HTR1D: variants seen among roughly 807,000 people sequenced by gnomAD.
HTR1D encodes the protein 5-HT-1D.
In HTR1D, 18 loss-of-function variants were observed where a neutral mutation model predicts 21.1. The observed-to-expected ratio is 0.85, with a 90% confidence interval of 0.59 to 1.27. The LOEUF is 1.27. HTR1D is among the 50% of genes most tolerant of loss of function. The pLI, the probability that HTR1D is intolerant of heterozygous loss-of-function variation, is 0.00. For missense variants in HTR1D, 456 were observed against 481.4 expected (o/e 0.95, Z 0.49); for synonymous variants, 196 against 204.4 (o/e 0.96, Z 0.35).
Position 23,194,309 on chromosome 1 carries a change from C to G in HTR1D, c.-90G>C. 1 of 1,214,434 alleles carries G rather than the reference C, an allele frequency of 8.2e-7. No individual in the cohort carries two copies. The highest frequency in any genetic ancestry group is 1.2e-6 in the Non-Finnish European group (1 of 852,600). The allele number at this position is 1,214,434 out of a possible 1,614,324, so 75.2% of individuals were successfully genotyped here. On this transcript the variant is annotated 5_prime_UTR_variant, in exon 2 of 2. Coordinates refer to ENST00000374619, the MANE Select transcript of HTR1D (RefSeq NM_000864.5). ...ACAACAGAGCAAAGTCATCCTTCTGCTTCACACTGGTGGGAGCCGTACACC... is the reference window on the plus strand; with the variant it reads ...ACAACAGAGCAAAGTCATCCTTCTGGTTCACACTGGTGGGAGCCGTACACC...
intron 1 of HTR1D, among the ~76,000 whole-genome samples, chr1:23,216,145 A>G (rs576132815): frequency 6.4e-4 from 97 of 152,356 alleles, no homozygotes; most frequent in African/African-American, 2.2e-3. Context: ...AGGAGGGCTG[A>G]GACCCCAGCC....
intron 1 of HTR1D, among the ~76,000 whole-genome samples, chr1:23,215,915 G>C (rs1644771907): frequency 6.6e-6 from 1 of 152,188 alleles, no homozygotes; most frequent in Non-Finnish European, 1.5e-5. Flanking sequence ...AGTGCTTGTA[G>C]AGGTTGTTGT....
intron 1 of HTR1D, among the ~76,000 whole-genome samples, chr1:23,206,210 T>C (rs1283026259): frequency 2.0e-5 from 3 of 151,892 alleles, no homozygotes; most frequent in African/African-American, 7.2e-5. Flanking sequence ...CCCAGCTAAT[T>C]TTTTTGTATT....
chr1:23,204,706 G>A (rs747472084), intron 1 of HTR1D, among the ~76,000 whole-genome samples: 6 of 152,194 alleles, frequency 3.9e-5, no homozygotes, highest in Non-Finnish European at 7.3e-5. Context: ...TCCTCTAGAG[G>A]CTGTGCATGT....
At chr1:23,206,933 G>A (rs1360628293) in intron 1 of HTR1D, among the ~76,000 whole-genome samples, 1 of 152,168 alleles carries the variant, frequency 6.6e-6, no homozygotes, top group Non-Finnish European at 1.5e-5. Context: ...ACACGCCTGA[G>A]AGGCAGAGGC....
rs904289878 is a variant in HTR1D at position 23,213,290 on chromosome 1, G to A, written c.-783+4001C>T. Among the ~76,000 whole-genome samples the A allele has an allele frequency of 5.3e-5, 8 of 149,554 alleles. No homozygotes were observed. In the South Asian group the frequency reaches 9.2e-4, roughly 17 times the overall value. The stretch of plus-strand genomic sequence containing the variant: ...ATGAGGTCAGATCAAGACCATCCTG[G>A]CCAACATGGTGAAACCCCGTCTCTA... On this transcript the variant is annotated intron_variant, in intron 1 of 1. Transcript: ENST00000374619.
At chr1:23,213,770 G>A (rs1347558536) in intron 1 of HTR1D, among the ~76,000 whole-genome samples, 1 of 152,056 alleles carries the variant, frequency 6.6e-6, no homozygotes, top group Non-Finnish European at 1.5e-5. Context: ...TGTTGCACAG[G>A]CTAATCTCAA....
intron 1 of HTR1D, among the ~76,000 whole-genome samples, chr1:23,209,289 C>T (rs1036406909): frequency 1.3e-5 from 2 of 152,142 alleles, no homozygotes; most frequent in Non-Finnish European, 2.9e-5. Context: ...CGTGAGCTAC[C>T]GCACTCAGCC....
intron 1 of HTR1D, among the ~76,000 whole-genome samples, chr1:23,204,643 G>A (rs1418263075): frequency 1.3e-5 from 2 of 152,296 alleles, no homozygotes; most frequent in Admixed American, 6.5e-5. Flanking sequence ...GCATGGACTC[G>A]CTATGGCCAA....
Position 23,193,808 on chromosome 1 carries a change from A to G in HTR1D, c.412T>C (p.Trp138Arg), listed in dbSNP as rs766109272. Reference sequence around the variant, plus strand: ...TATTCCAGGGCATCTGTGATTGCCCAGTACCTGTCCAGAGCAATGACACAG... The same window carrying G: ...TATTCCAGGGCATCTGTGATTGCCCGGTACCTGTCCAGAGCAATGACACAG... ...HLCVIALDRY[W>R]AITDALEYSK... The change falls in exon 2 of 2, where the codon TGG becomes CGG. Residue 138 changes from tryptophan to arginine, a missense_variant. Physicochemically the swap from Trp to Arg is moderately radical, Grantham distance 101 (BLOSUM62 -3). Coordinates refer to ENST00000374619, the MANE Select transcript of HTR1D (RefSeq NM_000864.5). 2 of 1,614,098 alleles carry G rather than the reference A, an allele frequency of 1.2e-6. No homozygotes were observed. The highest frequency in any genetic ancestry group is 2.2e-5 in the East Asian group (1 of 44,900).
chr1:23,203,919 A>G (rs540033694), intron 1 of HTR1D, among the ~76,000 whole-genome samples: 1 of 152,246 alleles, frequency 6.6e-6, no homozygotes, highest in Admixed American at 6.5e-5. Flanking sequence ...CCAAGGCAGA[A>G]GGACTGCTTG....
At chr1:23,195,426 C>T (rs1644685133) in intron 1 of HTR1D, among the ~76,000 whole-genome samples, 1 of 152,046 alleles carries the variant, frequency 6.6e-6, no homozygotes, top group Admixed American at 6.6e-5. Flanking sequence ...TCCAAATGTC[C>T]TATAGTGAGC....
chr1:23,193,692 C>T lies in HTR1D; in HGVS notation c.528G>A (p.Trp176Ter). The change falls in exon 2 of 2, where the codon TGG becomes TGA. Residue 176 changes from tryptophan (W) to a stop codon, truncating the protein, a stop_gained. Transcript: ENST00000374619. LOFTEE classifies it high-confidence loss of function. Reference protein sequence around the residue: ...SICISIPPLFWRQAKAQEEMS... With the variant: ...SICISIPPLF ...TCTCCTCCTGGGCCTTGGCCTGCCG[C>T]CAGAAGAGCGGGGGGATGGAGATGC... The T allele has an allele frequency of 6.2e-7, 1 of 1,613,786 alleles. No homozygotes were observed. Among genetic ancestry groups the T allele is most frequent in the Admixed American group, 1.7e-5 (1 of 60,012 alleles).
intron 1 of HTR1D, among the ~76,000 whole-genome samples, chr1:23,196,336 C>T (rs1379271058): frequency 5.3e-5 from 8 of 151,186 alleles, no homozygotes; most frequent in Admixed American, 6.6e-5. Context: ...CCCAGCTACT[C>T]GGGAGGCTGA....
At position 23,193,431 on chromosome 1, in the gene HTR1D, C is replaced by A; in HGVS notation, c.789G>T (p.Gly263=). 1 of 1,614,224 alleles carries A rather than the reference C, an allele frequency of 6.2e-7. No individual in the cohort carries two copies. The highest frequency in any genetic ancestry group is 1.1e-5 in the South Asian group (1 of 91,082). ...LCSLNSSLHE[G]HSHSAGSPLF... ...GAGGGGAGCCAGCCGAGTGCGAGTGCCCCTCATGGAGGCTGGAGTTGAGCG... is the reference window on the plus strand; with the variant it reads ...GAGGGGAGCCAGCCGAGTGCGAGTGACCCTCATGGAGGCTGGAGTTGAGCG... The change falls in exon 2 of 2, where the codon GGG becomes GGT. Residue 263 remains glycine (G), a synonymous_variant. Coordinates refer to ENST00000374619, the MANE Select transcript of HTR1D (RefSeq NM_000864.5).
At chr1:23,206,249 T>C (rs1203046600) in intron 1 of HTR1D, among the ~76,000 whole-genome samples, 1 of 151,662 alleles carries the variant, frequency 6.6e-6, no homozygotes, top group Non-Finnish European at 1.5e-5. Flanking sequence ...TCACCGTGGT[T>C]TCGATCTCCT....
At chr1:23,200,411 T>G (rs1644705158) in intron 1 of HTR1D, among the ~76,000 whole-genome samples, 1 of 152,220 alleles carries the variant, frequency 6.6e-6, no homozygotes, top group Non-Finnish European at 1.5e-5. Context: ...GCAAATCACT[T>G]CACCTCTCTG....
intron 1 of HTR1D, among the ~76,000 whole-genome samples, chr1:23,206,283 G>T (rs538168833): frequency 6.6e-6 from 1 of 152,046 alleles, no homozygotes; most frequent in Non-Finnish European, 1.5e-5. Flanking sequence ...ACCCACCTCG[G>T]CCTCCCAAAG....
chr1:23,198,703 C>G (rs1644699104), intron 1 of HTR1D, among the ~76,000 whole-genome samples: 1 of 152,136 alleles, frequency 6.6e-6, no homozygotes, highest in South Asian at 2.1e-4. Flanking sequence ...CTACACATAC[C>G]AAAATGGTGA....
Sources: allele counts gnomAD v4.1 joint callset (sites outside exome capture counted in the v4.1 genomes callset), GRCh38; gene constraint gnomAD v4.1.1; transcripts MANE v1.5; gene names NCBI Gene and HGNC (gene_info 2026-07-23, HGNC 2026-07-21).